POU2F1: variants seen among roughly 807,000 people sequenced by gnomAD.
The protein encoded by POU2F1 is POU class 2 homeobox 1.
In POU2F1, 16 loss-of-function variants were observed where a neutral mutation model predicts 84.9. The observed-to-expected ratio is 0.19, with a 90% confidence interval of 0.13 to 0.29. The LOEUF is 0.29. Among genes scored for constraint, POU2F1 ranks in the 10% least tolerant of loss-of-function variants. The pLI, the probability that POU2F1 is intolerant of heterozygous loss-of-function variation, is 1.00. For missense variants in POU2F1, 738 were observed against 942.6 expected (o/e 0.78, Z 2.84); for synonymous variants, 368 against 368.3 (o/e 1.00, Z 0.01).
chr1:167,381,285 G>C lies in POU2F1; in HGVS notation c.719-2572G>C, dbSNP rs544065168. 7.8e-4 allele frequency among the ~76,000 whole-genome samples: 119 copies of C among 152,148 alleles called. 1 individual carries two copies. Among genetic ancestry groups the C allele is most frequent in the African/African-American group, 2.8e-3 (117 of 41,518 alleles). On this transcript the variant is annotated intron_variant, in intron 7 of 15. Coordinates refer to ENST00000367866, the MANE Select transcript of POU2F1 (RefSeq NM_002697.4). ...TTTTTAGTAGAGACTGGGTTTCACC[G>C]TGTTAGCCAGGATGGTCTCGATTTC...
In POU2F1 at chr1:167,425,311, A is replaced by C. The variant is rs149815507; in HGVS notation, c.*9501A>C. The C allele has an allele frequency of 6.6e-6, 1 of 152,316 alleles. No individual in the cohort carries two copies. The highest frequency in any genetic ancestry group is 1.5e-5 in the Non-Finnish European group (1 of 68,036). 9.4% of individuals were successfully genotyped at this position (152,316 alleles called of 1,614,324 possible). A position where few individuals can be genotyped will look rare whatever the true frequency, so the allele number is the denominator to read the frequency against. ...TGATTGTATAAACTCAAAACAAACAAAAGAACCAAAGAAAAGGGAAGTCTT... is the reference window on the plus strand; with the variant it reads ...TGATTGTATAAACTCAAAACAAACACAAGAACCAAAGAAAAGGGAAGTCTT... On this transcript the variant is annotated 3_prime_UTR_variant, in exon 16 of 16. Coordinates refer to ENST00000367866, the MANE Select transcript of POU2F1 (RefSeq NM_002697.4).
At chr1:167,247,581 C>G (rs971190178) in intron 1 of POU2F1, among the ~76,000 whole-genome samples, 2 of 152,090 alleles carry the variant, frequency 1.3e-5, no homozygotes, top group East Asian at 3.8e-4. Context: ...AGGCTTCTAT[C>G]AATTGGAACA....
intron 1 of POU2F1, among the ~76,000 whole-genome samples, chr1:167,322,471 G>A (rs1302612756): frequency 6.6e-6 from 1 of 152,318 alleles, no homozygotes; most frequent in African/African-American, 2.4e-5. Context: ...CACTTTTTGT[G>A]GGGGTTCCCC....
chr1:167,400,520 A>C (rs1028775368), intron 12 of POU2F1, among the ~76,000 whole-genome samples: 3 of 152,214 alleles, frequency 2.0e-5, no homozygotes, highest in African/African-American at 7.2e-5. Context: ...GTTACCAGAT[A>C]ACCTTCAGTT....
chr1:167,264,413 C>T (rs1651793760), intron 1 of POU2F1, among the ~76,000 whole-genome samples: 1 of 152,004 alleles, frequency 6.6e-6, no homozygotes, highest in African/African-American at 2.4e-5. Flanking sequence ...GTGGCCAGAA[C>T]ATATTTTGAT....
At chr1:167,313,833 A>G (rs1191243948) in intron 1 of POU2F1, among the ~76,000 whole-genome samples, 1 of 152,210 alleles carries the variant, frequency 6.6e-6, no homozygotes, top group African/African-American at 2.4e-5. Flanking sequence ...TGCAAAGAAC[A>G]TATCTAATAA....
At chr1:167,389,843 A>G in intron 9 of POU2F1, 82 bp downstream of exon 9, 1 of 1,467,658 alleles carries the variant, frequency 6.8e-7, no homozygotes, top group South Asian at 1.3e-5. Flanking sequence ...TGGATTCCAC[A>G]TCTGTGGATT....
chr1:167,302,911 GA>G (rs1254716981), intron 1 of POU2F1, among the ~76,000 whole-genome samples: 1 of 152,214 alleles, frequency 6.6e-6, no homozygotes, highest in Non-Finnish European at 1.5e-5. Flanking sequence ...TCATGACAAA[GA>G]GGGGGATGGT....
At chr1:167,283,142 T>C (rs921051509) in intron 1 of POU2F1, among the ~76,000 whole-genome samples, 1 of 152,230 alleles carries the variant, frequency 6.6e-6, no homozygotes, top group Non-Finnish European at 1.5e-5. Flanking sequence ...TTGTGACCCT[T>C]TTTTGAGGGC....
intron 1 of POU2F1, among the ~76,000 whole-genome samples, chr1:167,252,500 G>T (rs923050298): frequency 1.3e-5 from 2 of 152,154 alleles, no homozygotes; most frequent in African/African-American, 4.8e-5. Flanking sequence ...CACCGCGCCC[G>T]GCCTGAATCT....
chr1:167,234,810 A>T (rs1649333806), intron 1 of POU2F1, among the ~76,000 whole-genome samples: 1 of 152,206 alleles, frequency 6.6e-6, no homozygotes, highest in African/African-American at 2.4e-5. Context: ...AGCAGCATTT[A>T]TATTTTTTTG....
At chr1:167,312,267 C>T (rs1328442738) in intron 1 of POU2F1, among the ~76,000 whole-genome samples, 1 of 149,976 alleles carries the variant, frequency 6.7e-6, no homozygotes, top group Non-Finnish European at 1.5e-5. Flanking sequence ...CAGAGTCTTG[C>T]TCTGTCGCCT....
Position 167,422,520 on chromosome 1 carries a change from A to G in POU2F1, c.*6710A>G, listed in dbSNP as rs1650709106. 6.6e-6 allele frequency: 1 copy of G among 152,268 alleles called. No homozygotes were observed. Among genetic ancestry groups the G allele is most frequent in the African/African-American group, 2.4e-5 (1 of 41,462 alleles). 9.4% of individuals were successfully genotyped at this position (152,268 alleles called of 1,614,324 possible). A position where few individuals can be genotyped will look rare whatever the true frequency, so the allele number is the denominator to read the frequency against. ...CCTGCCCACCTCACCCCTGTGATAC[A>G]AAGTGTGAACCTTAAGGATTAGTTG... On this transcript the variant is annotated 3_prime_UTR_variant, in exon 16 of 16. Transcript: ENST00000367866.
chr1:167,256,948 C>G (rs1377454491), intron 1 of POU2F1, among the ~76,000 whole-genome samples: 1 of 152,186 alleles, frequency 6.6e-6, no homozygotes, highest in African/African-American at 2.4e-5. Context: ...CCGAATGTGA[C>G]TGTACCTTTT....
intron 1 of POU2F1, among the ~76,000 whole-genome samples, chr1:167,294,990 C>T (rs1177614938): frequency 2.6e-5 from 4 of 151,758 alleles, no homozygotes; most frequent in Admixed American, 1.3e-4. Context: ...AAAAATTAGC[C>T]GGGTGTGGTA....
In POU2F1 at chr1:167,264,161, G is replaced by A. The variant is rs1297106313; in HGVS notation, c.61+43203G>A. 3.9e-5 allele frequency among the ~76,000 whole-genome samples: 6 copies of A among 152,190 alleles called. No homozygotes were observed. In the East Asian group the frequency reaches 7.7e-4, roughly 20 times the overall value. Reference sequence around the variant, plus strand: ...TTTAAGAGAAGATAATGGGCAAAGGGAGTACAGCTAATTTATAGTGGTATG... The same window carrying A: ...TTTAAGAGAAGATAATGGGCAAAGGAAGTACAGCTAATTTATAGTGGTATG... On this transcript the variant is annotated intron_variant, in intron 1 of 15. Coordinates refer to ENST00000367866, the MANE Select transcript of POU2F1 (RefSeq NM_002697.4).
chr1:167,292,627 A>G (rs1044995919), intron 1 of POU2F1, among the ~76,000 whole-genome samples: 2 of 151,994 alleles, frequency 1.3e-5, no homozygotes, highest in African/African-American at 4.8e-5. Context: ...CTATGAAGCC[A>G]GTATCACTCT....
intron 1 of POU2F1, among the ~76,000 whole-genome samples, chr1:167,237,766 A>AAATTT (rs1557836583): frequency 1.7e-5 from 1 of 58,034 alleles, no homozygotes; most frequent in African/African-American, 5.9e-5. Context: ...ATATATATAT[A>AAATTT]TATATATTTT....
At chr1:167,358,282 A>G (rs948125773) in intron 2 of POU2F1, among the ~76,000 whole-genome samples, 1 of 151,806 alleles carries the variant, frequency 6.6e-6, no homozygotes, top group Non-Finnish European at 1.5e-5. Context: ...AATATTTTAT[A>G]TTAGTAGATT....
Sources: gnomAD v4.1 joint callset for allele counts (sites outside exome capture counted in the v4.1 genomes callset) on GRCh38, gnomAD v4.1.1 for gene constraint, MANE v1.5 for transcripts, NCBI Gene and HGNC (gene_info 2026-07-23, HGNC 2026-07-21) for gene names.